Variants in SH3BP2 observed in about 807,000 individuals in gnomAD.
SH3BP2 encodes SH3 domain-binding protein 2.
Under a neutral mutation model 56.2 loss-of-function variants are expected in SH3BP2, and 38 were observed. The observed-to-expected ratio is 0.68, with a 90% CI of 0.52 to 0.89. The LOEUF (loss-of-function observed/expected upper bound fraction) is 0.89, where lower values mean the gene tolerates loss of function less well. Among genes scored for constraint, SH3BP2 ranks in the 40% least tolerant of loss-of-function variants. The probability of loss-of-function intolerance (pLI) is 0.00; values close to 1 mark genes in which losing one functional copy is unlikely to be tolerated. For synonymous variants in SH3BP2, 346 were observed against 316.7 expected (o/e 1.09, Z -0.98); for missense variants, 748 against 762.6 (o/e 0.98, Z 0.23).
At chr4:2,801,177 C>T (rs1221435552) in intron 1 of SH3BP2, among the ~76,000 whole-genome samples, 1 of 152,202 alleles carries the variant, frequency 6.6e-6, no homozygotes, top group African/African-American at 2.4e-5. Context: ...GGGCTGGGCT[C>T]CTTTCCCGGC....
Position 2,831,846 on chromosome 4 carries a change from G to C in SH3BP2, c.1351-77G>C, listed in dbSNP as rs768957532. ...ATGTAAAGCCCCGGATCCCGGCACC[G>C]GGTGGCCACCGTCCGGGGAGTGGTG... On this transcript the variant is annotated intron_variant, in intron 9 of 12. Coordinates refer to ENST00000503393, the MANE Select transcript of SH3BP2 (RefSeq NM_001122681.2). This position sits in a 1 kb window ranked among gnomAD's most constrained non-coding sequence, Gnocchi z 4.1. 3 of 1,520,578 alleles carry C rather than the reference G, an allele frequency of 2.0e-6. No individual in the cohort carries two copies. Among genetic ancestry groups the C allele is most frequent in the Non-Finnish European group, 2.7e-6 (3 of 1,103,074 alleles). The allele number at this position is 1,520,578 out of a possible 1,614,324, so 94.2% of individuals were successfully genotyped here.
At chr4:2,827,117 A>G in intron 5 of SH3BP2, 113 bp from the exon 6 acceptor site, 1 of 796,258 alleles carries the variant, frequency 1.3e-6, no homozygotes, top group South Asian at 1.4e-5. Context: ...CCGTGTGTGC[A>G]TCTGTGTATC....
At chr4:2,809,746 C>T (rs138153333) in intron 1 of SH3BP2, 2 of 981,224 alleles carry the variant, frequency 2.0e-6, no homozygotes, top group Non-Finnish European at 1.2e-6. Context: ...GCTCCCAGAA[C>T]CCAGTGAAAG....
chr4:2,809,713 C>A, intron 1 of SH3BP2: 1 of 861,750 alleles, frequency 1.2e-6, no homozygotes, highest in Non-Finnish European at 1.4e-6. Context: ...TGGGTGTTTG[C>A]CTTACTCCTG....
intron 1 of SH3BP2, among the ~76,000 whole-genome samples, chr4:2,815,829 T>C (rs1025529492): frequency 6.6e-6 from 1 of 152,018 alleles, no homozygotes; most frequent in Non-Finnish European, 1.5e-5. Context: ...CTGGTGAGGA[T>C]GGGAGACAAT....
At position 2,826,989 on chromosome 4, in the gene SH3BP2, G is replaced by A. The variant is rs77508647; in HGVS notation, c.429-241G>A. The A allele has an allele frequency of 4.5e-3, 3,027 of 668,150 alleles. 72 individuals carry two copies. In the African/African-American group the frequency reaches 0.049, roughly 11 times the overall value. The allele number at this position is 668,150 out of a possible 1,614,324, so 41.4% of individuals were successfully genotyped here. On this transcript the variant is annotated intron_variant, in intron 5 of 12. Coordinates refer to ENST00000503393, the MANE Select transcript of SH3BP2 (RefSeq NM_001122681.2). ...CATTTGTGTGTTTGTCAGAGTATGT[G>A]TGCATGTGTGTGTCTGTCAGCGTAT...
intron 2 of SH3BP2, among the ~76,000 whole-genome samples, chr4:2,822,440 G>A (rs1724360785): frequency 6.6e-6 from 1 of 152,158 alleles, no homozygotes; most frequent in Non-Finnish European, 1.5e-5. Context: ...CACGATCTTG[G>A]CTCACTGCAA....
At chr4:2,813,242 G>A (rs968866632) in intron 1 of SH3BP2, among the ~76,000 whole-genome samples, 2 of 152,252 alleles carry the variant, frequency 1.3e-5, no homozygotes, top group African/African-American at 2.4e-5. Context: ...GCCCACCACC[G>A]GCCACCCACT....
rs1053713415 is a variant in SH3BP2 at position 2,840,249 on chromosome 4, A to AG, written c.*6415_*6416insG. 1.3e-5 allele frequency: 2 copies of AG among 151,546 alleles called. No individual in the cohort carries two copies. Among genetic ancestry groups the AG allele is most frequent in the Non-Finnish European group, 1.5e-5 (1 of 67,886 alleles). 9.4% of individuals were successfully genotyped at this position (151,546 alleles called of 1,614,324 possible). A position where few individuals can be genotyped will look rare whatever the true frequency, so the allele number is the denominator to read the frequency against. ...CAAAAAAAACCAAAAAAAAAAAAAAAAAAAAGAAAACCACTGAAATTATTT... is the reference window on the plus strand; with the variant it reads ...CAAAAAAAACCAAAAAAAAAAAAAAAGAAAAAGAAAACCACTGAAATTATTT... On this transcript the variant is annotated 3_prime_UTR_variant, in exon 13 of 13. Coordinates refer to ENST00000503393, the MANE Select transcript of SH3BP2 (RefSeq NM_001122681.2).
At chr4:2,815,910 CA>C (rs564557897) in intron 1 of SH3BP2, among the ~76,000 whole-genome samples, 247 of 152,308 alleles carry the variant, frequency 1.6e-3, no homozygotes, top group African/African-American at 5.8e-3. Flanking sequence ...CACAGGACTC[CA>C]GAGAGGTTAT....
chr4:2,795,458 C>T (rs530111451), intron 1 of SH3BP2, among the ~76,000 whole-genome samples: 1 of 152,342 alleles, frequency 6.6e-6, no homozygotes, highest in Admixed American at 6.5e-5. Flanking sequence ...GCTGGGATTA[C>T]AGGCGTGAGC....
chr4:2,821,363 C>T (rs1724295763), intron 2 of SH3BP2, among the ~76,000 whole-genome samples: 1 of 152,164 alleles, frequency 6.6e-6, no homozygotes. Context: ...CTGATTGGTT[C>T]CTGTACGGGC....
chr4:2,799,810 C>T (rs1021101795), intron 1 of SH3BP2, among the ~76,000 whole-genome samples: 2 of 152,170 alleles, frequency 1.3e-5, no homozygotes, highest in Non-Finnish European at 2.9e-5. Context: ...GGGGGGGCCT[C>T]CTTGAGGGGG....
rs548874987 is a variant in SH3BP2 at position 2,825,527 on chromosome 4, T to C, written c.428+331T>C. Among the ~76,000 whole-genome samples, 136 of 141,022 alleles carry C rather than the reference T, an allele frequency of 9.6e-4. No homozygotes were observed. In the Middle Eastern group the frequency reaches 0.011, roughly 11 times the overall value. The allele number at this position is 141,022 out of a possible 152,430, so 92.5% of individuals were successfully genotyped here. ...ACATGCACACACACACAGCAACACG[T>C]GGACATGCACACACACACAGCAACA... is the stretch of plus-strand genomic sequence containing the variant. On this transcript the variant is annotated intron_variant, in intron 5 of 12. Coordinates refer to ENST00000503393, the MANE Select transcript of SH3BP2 (RefSeq NM_001122681.2).
rs535591348 is a variant in SH3BP2 at position 2,833,917 on chromosome 4, G to C, written c.*83G>C. 7.7e-5 allele frequency: 113 copies of C among 1,458,536 alleles called. No individual in the cohort carries two copies. In the African/African-American group the frequency reaches 1.3e-3, roughly 17 times the overall value. 90.3% of individuals were successfully genotyped at this position (1,458,536 alleles called of 1,614,324 possible). ...CACAGACGGACATGGGCCCACATGG[G>C]AGGGTGAGCAGGAGCAAGGCTGTGC... On this transcript the variant is annotated 3_prime_UTR_variant, in exon 13 of 13. Coordinates refer to ENST00000503393, the MANE Select transcript of SH3BP2 (RefSeq NM_001122681.2).
intron 1 of SH3BP2, among the ~76,000 whole-genome samples, chr4:2,817,305 C>T (rs1053002793): frequency 3.3e-5 from 5 of 152,008 alleles, no homozygotes; most frequent in Admixed American, 2.6e-4. Flanking sequence ...AGGGGGTTGC[C>T]AAGAGGCAAT....
At chr4:2,795,485 G>A (rs991930955) in intron 1 of SH3BP2, among the ~76,000 whole-genome samples, 1 of 152,212 alleles carries the variant, frequency 6.6e-6, no homozygotes, top group Non-Finnish European at 1.5e-5. Flanking sequence ...GCCTGGCAGA[G>A]TATATAGTTC....
intron 1 of SH3BP2, among the ~76,000 whole-genome samples, chr4:2,806,847 T>C (rs1723555635): frequency 6.6e-6 from 1 of 152,216 alleles, no homozygotes; most frequent in Non-Finnish European, 1.5e-5. Context: ...CATCCGGAGA[T>C]GTGAGAACAT....
intron 1 of SH3BP2, chr4:2,819,053 C>A: frequency 4.6e-6 from 1 of 217,636 alleles, no homozygotes; most frequent in Non-Finnish European, 7.8e-6. Context: ...CTGGATAAGC[C>A]TCCTCCGGGT....
Sources: gnomAD v4.1 joint callset for allele counts (sites outside exome capture counted in the v4.1 genomes callset) on GRCh38, gnomAD v4.1.1 for gene constraint, Gnocchi (gnomAD v3.1) non-coding constraint, MANE v1.5 for transcripts, NCBI Gene and HGNC (gene_info 2026-07-23, HGNC 2026-07-21) for gene names.